The following CSMD1 variants were observed in gnomAD, a reference collection of about 807,000 sequenced individuals.
CSMD1 encodes the protein CUB and sushi domain-containing protein 1.
A neutral mutation model predicts 417.5 loss-of-function variants in CSMD1; 213 were observed. That is an observed-to-expected ratio of 0.51 (90% CI 0.46 to 0.57). The LOEUF (loss-of-function observed/expected upper bound fraction) is 0.57, where lower values mean the gene tolerates loss of function less well. CSMD1 is among the 20% of genes least tolerant of loss of function. CSMD1 has a pLI of 0.00. For synonymous variants in CSMD1, 2,862 were observed against 1,736.8 expected (o/e 1.65, Z -16.11); for missense variants, 6,923 against 4,529.7 (o/e 1.53, Z -15.17).
intron 5 of CSMD1, among the ~76,000 whole-genome samples, chr8:3,842,421 A>C (rs774177036): frequency 2.0e-5 from 3 of 152,166 alleles, no homozygotes; most frequent in Non-Finnish European, 4.4e-5. Context: ...TTATAGTCTC[A>C]AGACTATATT....
At chr8:4,970,110 T>C (rs550717320) in intron 1 of CSMD1, among the ~76,000 whole-genome samples, 1 of 151,834 alleles carries the variant, frequency 6.6e-6, no homozygotes, top group Non-Finnish European at 1.5e-5. Context: ...ATAAAGTAAT[T>C]GTATGTAAAA....
At chr8:4,058,326 C>G (rs1050336419) in intron 3 of CSMD1, among the ~76,000 whole-genome samples, 2 of 152,080 alleles carry the variant, frequency 1.3e-5, no homozygotes, top group Admixed American at 6.6e-5. Flanking sequence ...CACGATTTGG[C>G]TCTCTGTTTG....
At chr8:4,738,030 G>C (rs576912155) in intron 1 of CSMD1, among the ~76,000 whole-genome samples, 1 of 152,184 alleles carries the variant, frequency 6.6e-6, no homozygotes, top group East Asian at 1.9e-4. Context: ...GAGAATGAGA[G>C]AGAATAAGAA....
intron 1 of CSMD1, among the ~76,000 whole-genome samples, chr8:4,979,969 C>T (rs375735892): frequency 7.9e-5 from 12 of 152,168 alleles, no homozygotes; most frequent in Non-Finnish European, 1.2e-4. Context: ...ACCTGGGAGG[C>T]GCAGCTTGCA....
intron 12 of CSMD1, among the ~76,000 whole-genome samples, chr8:3,452,982 C>T (rs980989466): frequency 6.6e-6 from 1 of 152,160 alleles, no homozygotes; most frequent in Non-Finnish European, 1.5e-5. Flanking sequence ...TTAATTATTG[C>T]CTCTATTTCA....
At chr8:3,656,096 C>T (rs768482089) in intron 7 of CSMD1, among the ~76,000 whole-genome samples, 5 of 152,150 alleles carry the variant, frequency 3.3e-5, no homozygotes, top group Non-Finnish European at 7.4e-5. Flanking sequence ...CACACAGATG[C>T]TACCAGAAGA....
At chr8:3,513,724 C>G (rs532911534) in intron 10 of CSMD1, among the ~76,000 whole-genome samples, 9 of 152,326 alleles carry the variant, frequency 5.9e-5, no homozygotes, top group African/African-American at 1.4e-4. Flanking sequence ...CCCTCATAGT[C>G]TGTGTGTTAG....
At chr8:4,343,427 T>TAAA (rs2128896340) in intron 3 of CSMD1, among the ~76,000 whole-genome samples, 2 of 152,192 alleles carry the variant, frequency 1.3e-5, no homozygotes, top group African/African-American at 4.8e-5. Context: ...AAAAAATTAT[T>TAAA]AAAAATGGTC....
chr8:3,995,470 G>A (rs182583358), intron 5 of CSMD1, among the ~76,000 whole-genome samples: 206 of 152,276 alleles, frequency 1.4e-3, no homozygotes, highest in Non-Finnish European at 2.2e-3. Context: ...GATCCAGCCT[G>A]TAGTCCTGAA....
rs377242336 is a variant in CSMD1, at chr8:3,522,807, A to G, written c.1345-29081T>C. On this transcript the variant is annotated intron_variant, in intron 10 of 69. Transcript: ENST00000635120. Reference sequence around the variant, plus strand: ...AACACATTTTTCATGGTTACATATTAAATTACGTATTTTATTTGACATATA... The same window carrying G: ...AACACATTTTTCATGGTTACATATTGAATTACGTATTTTATTTGACATATA... Among the ~76,000 whole-genome samples the G allele has an allele frequency of 2.1e-4, 32 of 151,836 alleles. No individual in the cohort carries two copies. In the East Asian group the frequency reaches 5.8e-3, roughly 27 times the overall value.
At chr8:3,925,702 G>A (rs1367339288) in intron 5 of CSMD1, among the ~76,000 whole-genome samples, 1 of 152,086 alleles carries the variant, frequency 6.6e-6, no homozygotes, top group East Asian at 1.9e-4. Context: ...CACCACGTAA[G>A]AAGTGCCTGT....
chr8:3,431,841 C>T (rs911819801), intron 12 of CSMD1, among the ~76,000 whole-genome samples: 1 of 152,200 alleles, frequency 6.6e-6, no homozygotes, highest in Non-Finnish European at 1.5e-5. Context: ...ATTGTCATTT[C>T]CTACCAGCCT....
intron 1 of CSMD1, among the ~76,000 whole-genome samples, chr8:4,874,173 A>G (rs954692776): frequency 2.0e-5 from 3 of 152,108 alleles, no homozygotes; most frequent in African/African-American, 7.3e-5. Flanking sequence ...TACTTGCATC[A>G]TAATGAATGA....
At chr8:4,254,654 G>A (rs538636430) in intron 3 of CSMD1, among the ~76,000 whole-genome samples, 8 of 152,106 alleles carry the variant, frequency 5.3e-5, no homozygotes, top group Admixed American at 6.5e-5. Flanking sequence ...GGTAACTGCC[G>A]TAGACAGGTG....
chr8:4,908,410 G>A (rs986150789), intron 1 of CSMD1, among the ~76,000 whole-genome samples: 5 of 152,076 alleles, frequency 3.3e-5, no homozygotes, highest in African/African-American at 1.2e-4. Flanking sequence ...ATTAATTTTG[G>A]AAAGCTCCCA....
At chr8:4,138,453 A>T (rs190256403) in intron 3 of CSMD1, among the ~76,000 whole-genome samples, 1 of 152,120 alleles carries the variant, frequency 6.6e-6, no homozygotes, top group East Asian at 1.9e-4. Flanking sequence ...AAAACACAGA[A>T]CGCAGGAGGA....
chr8:4,854,847 G>A (rs1376025652), intron 1 of CSMD1, among the ~76,000 whole-genome samples: 5 of 152,176 alleles, frequency 3.3e-5, no homozygotes, highest in South Asian at 2.1e-4. Flanking sequence ...AGGGGCGCCC[G>A]CCATTGCCCA....
intron 3 of CSMD1, among the ~76,000 whole-genome samples, chr8:4,056,805 G>C (rs1006877871): frequency 1.3e-5 from 2 of 151,922 alleles, no homozygotes; most frequent in African/African-American, 2.4e-5. Flanking sequence ...TTGTCCTTGT[G>C]ATAGTTTACT....
intron 2 of CSMD1, among the ~76,000 whole-genome samples, chr8:4,489,653 G>A (rs1033589162): frequency 1.3e-5 from 2 of 152,190 alleles, no homozygotes; most frequent in Non-Finnish European, 2.9e-5. Context: ...GAGCTAAGGT[G>A]ACGGCATGCG....
Sources: gnomAD v4.1 joint callset for allele counts (sites outside exome capture counted in the v4.1 genomes callset) on GRCh38, gnomAD v4.1.1 for gene constraint, MANE v1.5 for transcripts, NCBI Gene and HGNC (gene_info 2026-07-23, HGNC 2026-07-21) for gene names.